Variants in COQ4 observed in about 807,000 individuals in gnomAD.
COQ4 encodes ubiquinone biosynthesis protein COQ4 homolog, mitochondrial.
A neutral mutation model predicts 30.2 loss-of-function variants in COQ4; 36 were observed. The observed-to-expected ratio is 1.19, with a 90% confidence interval of 0.91 to 1.57. COQ4 has a LOEUF of 1.57. Among genes scored for constraint, COQ4 ranks in the 40% most tolerant of loss-of-function variants. The pLI is 0.00. For missense variants in COQ4, 369 were observed against 371.9 expected (o/e 0.99, Z 0.07); for synonymous variants, 197 against 161.0 (o/e 1.22, Z -1.69).
intron 4 of COQ4, chr9:128,326,225 G>T: frequency 2.1e-6 from 1 of 486,512 alleles, no homozygotes; most frequent in Non-Finnish European, 3.6e-6. Context: ...AAGCAAACTT[G>T]CTAATTCCAC....
In COQ4 at chr9:128,322,848, C is replaced by T. The variant is rs368877538; in HGVS notation, c.-11C>T. Reference sequence around the variant, plus strand: ...TTCGTACCCGCCCATCCTCCGCGGACGCCCGCTGCCATGGCGACTCTGCTG... The same window carrying T: ...TTCGTACCCGCCCATCCTCCGCGGATGCCCGCTGCCATGGCGACTCTGCTG... On this transcript the variant is annotated 5_prime_UTR_variant, in exon 1 of 7. In the 5' UTR this introduces an upstream ATG that the reference lacks. Transcript: ENST00000300452. 9.7e-5 allele frequency: 150 copies of T among 1,542,546 alleles called. 2 individuals carry two copies. The South Asian group carries it at 1.6e-3, about 16-fold the overall frequency.
intron 4 of COQ4, 52 bp from the exon 5 acceptor site, chr9:128,332,101 C>T (rs1832422446): frequency 1.3e-6 from 2 of 1,537,740 alleles, no homozygotes; most frequent in Admixed American, 2.0e-5. Context: ...ACTGGCAAAT[C>T]GGGCCCTGGG....
Position 128,333,751 on chromosome 9 carries a change from T to C in COQ4, c.*106T>C, listed in dbSNP as rs576229714. On this transcript the variant is annotated 3_prime_UTR_variant, in exon 7 of 7. Coordinates refer to ENST00000300452, the MANE Select transcript of COQ4 (RefSeq NM_016035.5). Reference sequence around the variant, plus strand: ...GTTCCTCTTCTTTGAACACTGACCCTTGGACAACATTTATCATAATTTGTC... The same window carrying C: ...GTTCCTCTTCTTTGAACACTGACCCCTGGACAACATTTATCATAATTTGTC... The C allele has an allele frequency of 9.7e-7, 1 of 1,027,894 alleles. No individual in the cohort carries two copies. The highest frequency in any genetic ancestry group is 1.3e-6 in the Non-Finnish European group (1 of 746,074). The allele number at this position is 1,027,894 out of a possible 1,614,324, so 63.7% of individuals were successfully genotyped here.
chr9:128,323,201 G>C (rs1294167808), intron 2 of COQ4, 54 bp downstream of exon 2: 1 of 1,506,264 alleles, frequency 6.6e-7, no homozygotes. Context: ...CGTTTCCTGT[G>C]GGTAACTGGA....
intron 4 of COQ4, among the ~76,000 whole-genome samples, chr9:128,328,161 G>A (rs1203792860): frequency 6.6e-6 from 1 of 152,262 alleles, no homozygotes; most frequent in African/African-American, 2.4e-5. Flanking sequence ...TGGGCTGGAA[G>A]GGGAGCCAGG....
Position 128,322,906 on chromosome 9 carries a change from G to A in COQ4, c.48G>A (p.Pro16=). 1.3e-6 allele frequency: 2 copies of A among 1,596,868 alleles called. No individual in the cohort carries two copies. Among genetic ancestry groups the A allele is most frequent in the Non-Finnish European group, 1.7e-6 (2 of 1,175,974 alleles). ...RPVLRRLCGL[P]GLQRPAAEMP... ...TCCTCCGTCGGCTCTGCGGGCTCCC[G>A]GGCCTACAGCGGCCTGCGGCAGGCA... Residue 16 remains proline, a synonymous_variant, in exon 1 of 7, where the codon CCG becomes CCA. Coordinates refer to ENST00000300452, the MANE Select transcript of COQ4 (RefSeq NM_016035.5).
Position 128,323,031 on chromosome 9 carries a change from C to T in COQ4, c.86C>T (p.Ala29Val). Residue 29 changes from alanine (A) to valine (V), a missense_variant, in exon 2 of 7, where the codon GCT becomes GTT. By Grantham distance (64) the Ala-to-Val change is moderately conservative. Coordinates refer to ENST00000300452, the MANE Select transcript of COQ4 (RefSeq NM_016035.5). ...TGCCCCGCAGAAATGCCCCTCCGGGCTAGGAGCGACGGCGCCGGCCCGCTA... is the reference window on the plus strand; with the variant it reads ...TGCCCCGCAGAAATGCCCCTCCGGGTTAGGAGCGACGGCGCCGGCCCGCTA... Reference protein sequence around the residue: ...QRPAAEMPLRARSDGAGPLYS... With the variant: ...QRPAAEMPLRVRSDGAGPLYS... The T allele has an allele frequency of 6.2e-7, 1 of 1,611,976 alleles. No homozygotes were observed.
At chr9:128,323,617 C>A in intron 2 of COQ4, 1 of 353,136 alleles carries the variant, frequency 2.8e-6, no homozygotes, top group Non-Finnish European at 5.0e-6. Flanking sequence ...TTTCTTATGC[C>A]TCCTAGATTT....
At chr9:128,329,300 A>C (rs139965891) in intron 4 of COQ4, among the ~76,000 whole-genome samples, 21 of 152,294 alleles carry the variant, frequency 1.4e-4, no homozygotes, top group Non-Finnish European at 2.8e-4. Flanking sequence ...CTTTGTTTCA[A>C]ATGCTGACTC....
intron 1 of COQ4, 25 bp from the exon 2 acceptor site, chr9:128,322,991 C>G (rs896052894): frequency 1.2e-6 from 2 of 1,609,836 alleles, no homozygotes; most frequent in Non-Finnish European, 1.7e-6. Flanking sequence ...GCTCCTCTGA[C>G]CTCGGCCTTT....
chr9:128,333,408 G>A (rs1832446896), intron 6 of COQ4, 66 bp from the exon 7 acceptor site: 2 of 1,385,480 alleles, frequency 1.4e-6, no homozygotes, highest in Admixed American at 5.3e-5. Flanking sequence ...AAATGCACAA[G>A]TGCCGAGCAG....
At chr9:128,327,902 T>C (rs1456046057) in intron 4 of COQ4, among the ~76,000 whole-genome samples, 2 of 152,224 alleles carry the variant, frequency 1.3e-5, no homozygotes, top group Admixed American at 1.3e-4. Flanking sequence ...TTCTAGCAGC[T>C]ATGAAGAGAA....
chr9:128,323,857 A>G (rs1832264870), intron 2 of COQ4, among the ~76,000 whole-genome samples: 1 of 152,294 alleles, frequency 6.6e-6, no homozygotes, highest in East Asian at 1.9e-4. Context: ...AGGTGGAAGG[A>G]CCATTTGAGC....
chr9:128,322,968 C>T (rs1426766290), intron 1 of COQ4, 40 bp downstream of exon 1: 1 of 1,606,148 alleles, frequency 6.2e-7, no homozygotes, highest in Non-Finnish European at 8.5e-7. Flanking sequence ...GGGAAGGAGC[C>T]TGAGGGCGCC....
At chr9:128,323,172 CG>C (rs762431275) in intron 2 of COQ4, 25 bp downstream of exon 2, 18 of 1,563,630 alleles carry the variant, frequency 1.2e-5, no homozygotes, top group Non-Finnish European at 1.5e-5. Flanking sequence ...GCCTCGCCCC[CG>C]TGGGGGCGGC....
chr9:128,333,615 A>G lies in COQ4; in HGVS notation c.768A>G (p.Ala256=). ...RALREELGIT[A]PPMHVQGLA ...TGCGGGAGGAGCTGGGCATTACAGC[A>G]CCACCCATGCACGTCCAGGGCTTGG... The change falls in exon 7 of 7, where the codon GCA becomes GCG. Residue 256 remains alanine (A), a synonymous_variant. Coordinates refer to ENST00000300452, the MANE Select transcript of COQ4 (RefSeq NM_016035.5). The G allele has an allele frequency of 6.3e-7, 1 of 1,595,614 alleles. No individual in the cohort carries two copies. Among genetic ancestry groups the G allele is most frequent in the Admixed American group, 1.7e-5 (1 of 57,284 alleles).
rs1433997646 is a variant in COQ4 at position 128,323,107 on chromosome 9, C to A, written c.162C>A (p.Ala54=). 1 of 1,610,944 alleles carries A rather than the reference C, an allele frequency of 6.2e-7. No homozygotes were observed. Among genetic ancestry groups the A allele is most frequent in the Non-Finnish European group, 8.5e-7 (1 of 1,179,568 alleles). Residue 54 remains alanine, a synonymous_variant, in exon 2 of 7, where the codon GCC becomes GCA. Coordinates refer to ENST00000300452, the MANE Select transcript of COQ4 (RefSeq NM_016035.5). The part of the protein sequence containing the change: ...TSPLQKGLLA[A]GSAAMALYNP... ...CGCTGCAGAAAGGGCTGTTGGCCGCCGGCTCCGCGGCGATGGCGCTCTATA... is the reference window on the plus strand; with the variant it reads ...CGCTGCAGAAAGGGCTGTTGGCCGCAGGCTCCGCGGCGATGGCGCTCTATA...
At chr9:128,325,713 C>T (rs559013581) in intron 3 of COQ4, 66 bp from the exon 4 acceptor site, 5 of 1,253,032 alleles carry the variant, frequency 4.0e-6, no homozygotes, top group East Asian at 2.3e-5. Flanking sequence ...CCCCTCAGCT[C>T]GCTGTAGTTG....
At chr9:128,331,194 C>T (rs906530285) in intron 4 of COQ4, 3 of 152,174 alleles carry the variant, frequency 2.0e-5, no homozygotes, top group African/African-American at 7.2e-5. Context: ...TTTGAAGTCT[C>T]GTGTGTATTT....
Sources: allele counts gnomAD v4.1 joint callset (sites outside exome capture counted in the v4.1 genomes callset), GRCh38; gene constraint gnomAD v4.1.1; transcripts MANE v1.5; gene names NCBI Gene and HGNC (gene_info 2026-07-23, HGNC 2026-07-21).